The following TSPAN5 variants were observed in gnomAD, a reference collection of about 807,000 sequenced individuals.
TSPAN5 encodes tetraspanin-5.
Under a neutral mutation model 37.1 loss-of-function variants are expected in TSPAN5, and 10 were observed. The observed-to-expected ratio is 0.27, with a 90% CI of 0.17 to 0.46. The LOEUF (loss-of-function observed/expected upper bound fraction) is 0.46. Among genes scored for constraint, TSPAN5 ranks in the 20% least tolerant of loss-of-function variants. TSPAN5 has a pLI of 1.00. For missense variants in TSPAN5, 195 were observed against 326.6 expected (o/e 0.60, Z 3.11); for synonymous variants, 110 against 118.9 (o/e 0.93, Z 0.48).
chr4:98,569,022 A>G (rs144353188), intron 1 of TSPAN5, among the ~76,000 whole-genome samples: 17 of 152,290 alleles, frequency 1.1e-4, no homozygotes, highest in African/African-American at 4.1e-4. Context: ...CAGGCAGCTG[A>G]AGCCAACTCA....
At chr4:98,551,205 T>C (rs1049176214) in intron 1 of TSPAN5, among the ~76,000 whole-genome samples, 3 of 152,214 alleles carry the variant, frequency 2.0e-5, no homozygotes, top group African/African-American at 4.8e-5. Context: ...TGTTGAATCA[T>C]CCTTGCATCC....
At chr4:98,533,590 G>A (rs191861873) in intron 1 of TSPAN5, among the ~76,000 whole-genome samples, 1,038 of 79,226 alleles carry the variant, frequency 0.013, 19 homozygotes, top group African/African-American at 0.049. Context: ...TTGCTCTGTC[G>A]CCCAGGCTGG....
chr4:98,610,166 C>T (rs970702263), intron 1 of TSPAN5, among the ~76,000 whole-genome samples: 1 of 152,146 alleles, frequency 6.6e-6, no homozygotes, highest in Non-Finnish European at 1.5e-5. Context: ...AACACAATAC[C>T]GAGGAGCTGG....
intron 1 of TSPAN5, among the ~76,000 whole-genome samples, chr4:98,566,352 G>A (rs1263352105): frequency 2.6e-5 from 4 of 151,784 alleles, no homozygotes; most frequent in African/African-American, 7.3e-5. Context: ...ATGGCGGGTG[G>A]GGGTGGGGAA....
chr4:98,609,182 G>C (rs2110231653), intron 1 of TSPAN5, among the ~76,000 whole-genome samples: 1 of 152,258 alleles, frequency 6.6e-6, no homozygotes, highest in African/African-American at 2.4e-5. Context: ...AATCCCCACT[G>C]TAACATTTAA....
At chr4:98,653,011 C>T (rs1757223767) in intron 1 of TSPAN5, among the ~76,000 whole-genome samples, 1 of 152,176 alleles carries the variant, frequency 6.6e-6, no homozygotes, top group Non-Finnish European at 1.5e-5. Flanking sequence ...ATTACTTTCC[C>T]CACTTTATAC....
At chr4:98,567,773 TAGA>T (rs67736521) in intron 1 of TSPAN5, among the ~76,000 whole-genome samples, 104,273 of 151,672 alleles carry the variant, frequency 0.69, 36,437 homozygotes, top group African/African-American at 0.81. Context: ...GTCAGAGAAG[TAGA>T]AACGAGTTCA....
chr4:98,606,370 G>C (rs1050381887), intron 1 of TSPAN5, among the ~76,000 whole-genome samples: 4 of 152,158 alleles, frequency 2.6e-5, no homozygotes, highest in African/African-American at 9.7e-5. Flanking sequence ...ATACCATAAA[G>C]ACTTCCAAAG....
intron 1 of TSPAN5, among the ~76,000 whole-genome samples, chr4:98,603,092 A>G (rs1755922071): frequency 6.6e-6 from 1 of 152,150 alleles, no homozygotes; most frequent in Non-Finnish European, 1.5e-5. Context: ...TCCTTCTTCT[A>G]TACCTTTGAA....
intron 1 of TSPAN5, among the ~76,000 whole-genome samples, chr4:98,541,507 T>G (rs556340742): frequency 6.6e-6 from 1 of 151,908 alleles, no homozygotes; most frequent in East Asian, 1.9e-4. Flanking sequence ...AAACCCCATC[T>G]GTACTAAAAA....
chr4:98,652,579 C>T (rs919442004), intron 1 of TSPAN5, among the ~76,000 whole-genome samples: 1 of 152,188 alleles, frequency 6.6e-6, no homozygotes, highest in East Asian at 1.9e-4. Flanking sequence ...AAAGCTGGGG[C>T]TATCATTACG....
At chr4:98,475,574 G>C (rs969373446) in intron 7 of TSPAN5, among the ~76,000 whole-genome samples, 1 of 152,140 alleles carries the variant, frequency 6.6e-6, no homozygotes, top group South Asian at 2.1e-4. Context: ...GTATTTTTGA[G>C]CCCATGTAAA....
intron 1 of TSPAN5, among the ~76,000 whole-genome samples, chr4:98,604,758 T>C (rs1477980718): frequency 6.6e-6 from 1 of 152,206 alleles, no homozygotes; most frequent in African/African-American, 2.4e-5. Flanking sequence ...AAAGAGAATA[T>C]TTACTGAGCA....
intron 1 of TSPAN5, among the ~76,000 whole-genome samples, chr4:98,650,149 T>C (rs1287004612): frequency 1.3e-5 from 2 of 152,236 alleles, no homozygotes; most frequent in Non-Finnish European, 2.9e-5. Flanking sequence ...ACATAATGGC[T>C]ATTTTTAAAT....
chr4:98,510,391 G>C (rs1280998549), intron 1 of TSPAN5, among the ~76,000 whole-genome samples: 2 of 152,182 alleles, frequency 1.3e-5, no homozygotes, highest in Non-Finnish European at 2.9e-5. Context: ...GCAAGCAAAG[G>C]GGTGTGGAAA....
intron 1 of TSPAN5, among the ~76,000 whole-genome samples, chr4:98,634,141 T>A (rs1486671278): frequency 1.3e-5 from 2 of 151,952 alleles, no homozygotes; most frequent in African/African-American, 4.8e-5. Flanking sequence ...TACTAACAAC[T>A]TCTATGTTTA....
At chr4:98,492,226 G>A (rs999115560) in intron 2 of TSPAN5, among the ~76,000 whole-genome samples, 1 of 152,180 alleles carries the variant, frequency 6.6e-6, no homozygotes, top group African/African-American at 2.4e-5. Flanking sequence ...TAGTGGCTGA[G>A]ACTCTAAAAT....
chr4:98,506,536 G>A (rs1753481258), intron 2 of TSPAN5, among the ~76,000 whole-genome samples: 1 of 152,176 alleles, frequency 6.6e-6, no homozygotes, highest in African/African-American at 2.4e-5. Context: ...GTTTTATATG[G>A]TCTGTCTGAA....
chr4:98,586,987 G>A (rs1025860929), intron 1 of TSPAN5, among the ~76,000 whole-genome samples: 10 of 152,186 alleles, frequency 6.6e-5, no homozygotes, highest in African/African-American at 2.4e-4. Context: ...ACAAAGGCAG[G>A]GAATTGAATG....
Sources: gnomAD v4.1 joint callset for allele counts (sites outside exome capture counted in the v4.1 genomes callset) on GRCh38, gnomAD v4.1.1 for gene constraint, MANE v1.5 for transcripts, NCBI Gene and HGNC (gene_info 2026-07-23, HGNC 2026-07-21) for gene names.